The following IPMK variants were observed in gnomAD, a reference collection of about 807,000 sequenced individuals.
IPMK encodes inositol 1,3,4,6-tetrakisphosphate 5-kinase.
A neutral mutation model predicts 45.8 loss-of-function variants in IPMK; 17 were observed. The ratio of observed to expected loss-of-function variants is 0.37; its 90% confidence interval spans 0.25 to 0.56. IPMK has a LOEUF of 0.56. IPMK is among the 20% of genes least tolerant of loss of function. The probability of loss-of-function intolerance (pLI) is 0.79; values close to 1 mark genes in which losing one functional copy is unlikely to be tolerated. For missense variants in IPMK, 399 were observed against 498.0 expected (o/e 0.80, Z 1.89); for synonymous variants, 180 against 184.3 (o/e 0.98, Z 0.19).
At chr10:58,208,880 A>G (rs1838113693) in intron 4 of IPMK, among the ~76,000 whole-genome samples, 1 of 152,234 alleles carries the variant, frequency 6.6e-6, no homozygotes. Context: ...TGGTGGGCCA[A>G]AGTCCCAGCC....
chr10:58,257,945 A>C (rs1838997027), intron 1 of IPMK, among the ~76,000 whole-genome samples: 1 of 152,218 alleles, frequency 6.6e-6, no homozygotes, highest in Admixed American at 6.5e-5. Context: ...TGAAGCAAAA[A>C]CTGACAGAAC....
chr10:58,219,258 T>TA (rs1443072116), intron 3 of IPMK, among the ~76,000 whole-genome samples: 1 of 152,144 alleles, frequency 6.6e-6, no homozygotes, highest in Non-Finnish European at 1.5e-5. Flanking sequence ...CCCTCTGAGT[T>TA]AAAAAATAAA....
At chr10:58,242,511 AG>A (rs1207797527) in intron 1 of IPMK, among the ~76,000 whole-genome samples, 1 of 151,832 alleles carries the variant, frequency 6.6e-6, no homozygotes, top group Non-Finnish European at 1.5e-5. Context: ...TCCATCAGAG[AG>A]AAACTTTAAG....
intron 1 of IPMK, among the ~76,000 whole-genome samples, chr10:58,245,258 A>G (rs945975348): frequency 3.3e-5 from 5 of 151,404 alleles, no homozygotes; most frequent in Admixed American, 6.5e-5. Flanking sequence ...AAATAGAATG[A>G]TAGCTGCCAG....
intron 4 of IPMK, among the ~76,000 whole-genome samples, chr10:58,210,144 GATT>G (rs1213900027): frequency 1.3e-5 from 2 of 152,124 alleles, no homozygotes; most frequent in Admixed American, 1.3e-4. Context: ...AGGCCAATGG[GATT>G]ATATTCCAGA....
intron 1 of IPMK, among the ~76,000 whole-genome samples, chr10:58,260,390 C>A (rs1839045710): frequency 6.6e-6 from 1 of 152,080 alleles, no homozygotes; most frequent in Non-Finnish European, 1.5e-5. Context: ...ATGGCAAAAG[C>A]CAAATGCTAA....
At chr10:58,228,557 G>A (rs909861105) in intron 2 of IPMK, among the ~76,000 whole-genome samples, 6 of 152,066 alleles carry the variant, frequency 3.9e-5, no homozygotes, top group Non-Finnish European at 5.9e-5. Context: ...TTTTTGAGAC[G>A]GAGTCTCGCT....
At chr10:58,215,283 G>A (rs1838227185) in intron 4 of IPMK, among the ~76,000 whole-genome samples, 1 of 152,046 alleles carries the variant, frequency 6.6e-6, no homozygotes, top group South Asian at 2.1e-4. Context: ...AATAAGATCA[G>A]CAAAAGAACT....
chr10:58,250,079 A>C (rs187050324), intron 1 of IPMK, among the ~76,000 whole-genome samples: 1 of 152,232 alleles, frequency 6.6e-6, no homozygotes, highest in African/African-American at 2.4e-5. Flanking sequence ...GGTGTTTTGG[A>C]TATTACAGCT....
intron 5 of IPMK, among the ~76,000 whole-genome samples, chr10:58,198,688 T>C (rs1369876277): frequency 1.3e-5 from 2 of 152,180 alleles, no homozygotes; most frequent in Non-Finnish European, 2.9e-5. Context: ...TCTAGGATAT[T>C]GTTGCTTTTG....
intron 3 of IPMK, among the ~76,000 whole-genome samples, chr10:58,222,813 G>A (rs1838356806): frequency 6.6e-6 from 1 of 152,112 alleles, no homozygotes; most frequent in Admixed American, 6.6e-5. Context: ...CTTTACCAAG[G>A]ATATTGTTTT....
At position 58,227,098 on chromosome 10, in the gene IPMK, T is replaced by C. The variant is rs1402340293; in HGVS notation, c.318A>G (p.Leu106=). 1 of 1,613,418 alleles carries C rather than the reference T, an allele frequency of 6.2e-7. No homozygotes were observed. Among genetic ancestry groups the C allele is most frequent in the Non-Finnish European group, 8.5e-7 (1 of 1,179,572 alleles). The change falls in exon 3 of 6, where the codon CTA becomes CTG. Residue 106 remains leucine, a synonymous_variant. Transcript: ENST00000373935. ...ADCFDGVLLE[L]RKYLPKYYGI... Reference sequence around the variant, plus strand: ...CATAATATTTTGGCAAATATTTTCGTAGCTCTAGAAGAACACCATCAAAAC... The same window carrying C: ...CATAATATTTTGGCAAATATTTTCGCAGCTCTAGAAGAACACCATCAAAAC...
chr10:58,225,431 T>C (rs187697238), intron 3 of IPMK, among the ~76,000 whole-genome samples: 3 of 150,646 alleles, frequency 2.0e-5, no homozygotes, highest in East Asian at 1.9e-4. Context: ...CAAGATTATA[T>C]AGTATTGAAG....
intron 2 of IPMK, 59 bp downstream of exon 2, chr10:58,237,670 C>A: frequency 1.6e-6 from 2 of 1,255,008 alleles, no homozygotes; most frequent in Non-Finnish European, 2.3e-6. Context: ...CTGTGAGTCA[C>A]CACCAGAAAA....
intron 2 of IPMK, 126 bp downstream of exon 2, chr10:58,237,603 G>T (rs768946082): frequency 7.2e-6 from 5 of 690,852 alleles, no homozygotes; most frequent in Non-Finnish European, 1.3e-5. Flanking sequence ...TGCTTTCCAT[G>T]AAGCTTTTGT....
chr10:58,200,210 C>G (rs1355919673), intron 4 of IPMK, among the ~76,000 whole-genome samples: 1 of 152,060 alleles, frequency 6.6e-6, no homozygotes, highest in Admixed American at 6.6e-5. Context: ...CCCCTGCCTC[C>G]GGGATTCAAG....
intron 2 of IPMK, among the ~76,000 whole-genome samples, chr10:58,236,329 A>G (rs1334835893): frequency 4.6e-5 from 7 of 152,234 alleles, no homozygotes; most frequent in Non-Finnish European, 7.3e-5. Flanking sequence ...AAAAGCAGAT[A>G]AAGATAATAT....
intron 4 of IPMK, among the ~76,000 whole-genome samples, chr10:58,199,792 T>G (rs1438070192): frequency 1.3e-5 from 2 of 152,116 alleles, no homozygotes; most frequent in African/African-American, 4.8e-5. Flanking sequence ...CTGAAGATAA[T>G]AGTTGTACAC....
At chr10:58,199,987 TA>T (rs1424635679) in intron 4 of IPMK, among the ~76,000 whole-genome samples, 1 of 152,212 alleles carries the variant, frequency 6.6e-6, no homozygotes, top group Non-Finnish European at 1.5e-5. Context: ...GTAAAAGATG[TA>T]AAAGAAGATA....
Sources: gnomAD v4.1 joint callset for allele counts (sites outside exome capture counted in the v4.1 genomes callset) on GRCh38, gnomAD v4.1.1 for gene constraint, MANE v1.5 for transcripts, NCBI Gene and HGNC (gene_info 2026-07-23, HGNC 2026-07-21) for gene names.